Variants in ZC3H12A observed in about 807,000 individuals in gnomAD.
ZC3H12A encodes endoribonuclease ZC3H12A.
In ZC3H12A, 9 loss-of-function variants were observed where a neutral mutation model predicts 29.9. That is an observed-to-expected ratio of 0.30 (90% CI 0.18 to 0.53). ZC3H12A has a LOEUF of 0.53. Among genes scored for constraint, ZC3H12A ranks in the 20% least tolerant of loss-of-function variants. ZC3H12A has a pLI of 0.96. For missense variants in ZC3H12A, 617 were observed against 799.0 expected, an observed-to-expected ratio of 0.77 and a Z score of 2.75; for synonymous variants, 323 against 338.1, an observed-to-expected ratio of 0.96 and a Z score of 0.49.
Position 37,478,720 on chromosome 1 carries a change from G to A in ZC3H12A, c.444-1570G>A, listed in dbSNP as rs554285364. Reference sequence around the variant, plus strand: ...ACTAAGCTGCCTTCTCTGGACCACAGTTTTCATCTGAAAAACAGGGAAGGA... The same window carrying A: ...ACTAAGCTGCCTTCTCTGGACCACAATTTTCATCTGAAAAACAGGGAAGGA... On this transcript the variant is annotated intron_variant, in intron 2 of 5. Coordinates refer to ENST00000373087, the MANE Select transcript of ZC3H12A (RefSeq NM_025079.3). This position sits in a 1 kb window ranked among gnomAD's most constrained non-coding sequence, Gnocchi z 5.2. 373 of 539,096 alleles carry A rather than the reference G, an allele frequency of 6.9e-4. No homozygotes were observed. The highest frequency in any genetic ancestry group is 8.2e-4 in the Non-Finnish European group (347 of 421,866). 33.4% of individuals were successfully genotyped at this position (539,096 alleles called of 1,614,324 possible).
chr1:37,482,598 G>C, intron 5 of ZC3H12A, 58 bp downstream of exon 5: 1 of 1,609,510 alleles, frequency 6.2e-7, no homozygotes, highest in Non-Finnish European at 8.5e-7. Context: ...CCTCTCACCT[G>C]TCTGCCTGTG....
chr1:37,481,509 C>A, intron 3 of ZC3H12A, 92 bp from the exon 4 acceptor site: 1 of 1,285,338 alleles, frequency 7.8e-7, no homozygotes, highest in Non-Finnish European at 1.1e-6. Context: ...GTTAACCACT[C>A]CTGTGTGTGG....
At chr1:37,474,832 A>C (rs1357770423) in intron 1 of ZC3H12A, among the ~76,000 whole-genome samples, 1 of 152,080 alleles carries the variant, frequency 6.6e-6, no homozygotes, top group African/African-American at 2.4e-5. Context: ...AGAGCCGGGG[A>C]AGAGCACCAG....
Position 37,483,143 on chromosome 1 carries a change from G to A in ZC3H12A, c.1332G>A (p.Glu444=), listed in dbSNP as rs775685689. The stretch of plus-strand genomic sequence containing the variant: ...TGGACTCGGGCATTGGCTCCCTGGA[G>A]AGCCAGATGTCGGAACTTTGGGGGG... ...DCLDSGIGSL[E]SQMSELWGVR... Residue 444 remains glutamate, a synonymous_variant, in exon 6 of 6, where the codon GAG becomes GAA. Coordinates refer to ENST00000373087, the MANE Select transcript of ZC3H12A (RefSeq NM_025079.3). 39 of 1,613,416 alleles carry A rather than the reference G, an allele frequency of 2.4e-5. No homozygotes were observed. The South Asian group carries it at 4.0e-4, about 16-fold the overall frequency.
In ZC3H12A at chr1:37,480,364, C is replaced by T; in HGVS notation, c.518C>T (p.Thr173Ile). 6.2e-7 allele frequency: 1 copy of T among 1,614,076 alleles called. No homozygotes were observed. Among genetic ancestry groups the T allele is most frequent in the African/African-American group, 1.3e-5 (1 of 75,048 alleles). The part of the protein sequence containing the change: ...AVNWFLERGH[T>I]DITVFVPSWR... ...AACTGGTTTCTGGAGCGGGGCCACACAGACATCACAGTGTTTGTGCCATCC... is the reference window on the plus strand; with the variant it reads ...AACTGGTTTCTGGAGCGGGGCCACATAGACATCACAGTGTTTGTGCCATCC... The change falls in exon 3 of 6, where the codon ACA (threonine) becomes ATA (isoleucine). Residue 173 changes from threonine to isoleucine, a missense_variant. By Grantham distance (89) the Thr-to-Ile change is moderately conservative (BLOSUM62 -1). Coordinates refer to ENST00000373087, the MANE Select transcript of ZC3H12A (RefSeq NM_025079.3).
Position 37,479,614 on chromosome 1 carries a change from G to C in ZC3H12A, c.444-676G>C. On this transcript the variant is annotated intron_variant, in intron 2 of 5. Transcript: ENST00000373087. This position sits in a 1 kb window ranked among gnomAD's most constrained non-coding sequence, Gnocchi z 4.5. ...GTATCCTTTCACTTTCAGACTGAAA[G>C]GCTCCTGGGGAACTTGCTTCACTCC... 1 of 985,452 alleles carries C rather than the reference G, an allele frequency of 1.0e-6. No individual in the cohort carries two copies. Among genetic ancestry groups the C allele is most frequent in the Non-Finnish European group, 1.2e-6 (1 of 829,938 alleles). 61.0% of individuals were successfully genotyped at this position (985,452 alleles called of 1,614,324 possible). A position where few individuals can be genotyped will look rare whatever the true frequency, so the allele number is the denominator to read the frequency against.
intron 3 of ZC3H12A, 111 bp downstream of exon 3, chr1:37,480,540 C>T: frequency 7.2e-7 from 1 of 1,383,632 alleles, no homozygotes; most frequent in Non-Finnish European, 9.6e-7. Flanking sequence ...AAGCAGGGAC[C>T]AGCATTTCTT....
At position 37,479,448 on chromosome 1, in the gene ZC3H12A, C is replaced by T. The variant is rs938154002; in HGVS notation, c.444-842C>T. On this transcript the variant is annotated intron_variant, in intron 2 of 5. Coordinates refer to ENST00000373087, the MANE Select transcript of ZC3H12A (RefSeq NM_025079.3). The surrounding 1 kb of genome is among the most constrained non-coding windows in gnomAD (Gnocchi z 4.5). ...TGGGTGCAGCCACCTGTGGGTGGGG[C>T]GCGGCCTCGTCTGAGACCAAGGCAG... The T allele has an allele frequency of 3.1e-5, 31 of 985,316 alleles. No individual in the cohort carries two copies. The highest frequency in any genetic ancestry group is 1.1e-4 in the East Asian group (1 of 8,824). The allele number at this position is 985,316 out of a possible 1,614,324, so 61.0% of individuals were successfully genotyped here. A position where few individuals can be genotyped will look rare whatever the true frequency, so the allele number is the denominator to read the frequency against.
intron 5 of ZC3H12A, 82 bp from the exon 6 acceptor site, chr1:37,482,655 G>A (rs112997362): frequency 7.9e-5 from 128 of 1,610,706 alleles, no homozygotes; most frequent in African/African-American, 6.7e-4. Flanking sequence ...ACCCAACCCC[G>A]TTTCCTGTGC....
chr1:37,477,832 A>C (rs1245004233), intron 2 of ZC3H12A, among the ~76,000 whole-genome samples: 5 of 152,064 alleles, frequency 3.3e-5, no homozygotes, highest in Admixed American at 6.6e-5. Context: ...GTAGGGGGGC[A>C]CTCCAGGCCT....
intron 3 of ZC3H12A, among the ~76,000 whole-genome samples, chr1:37,481,125 G>C (rs1641693243): frequency 6.6e-6 from 1 of 152,212 alleles, no homozygotes; most frequent in Non-Finnish European, 1.5e-5. Context: ...GGTCCCAGCA[G>C]CTCCCCAGGT....
rs201050265 is a variant in ZC3H12A at position 37,482,563 on chromosome 1, C to G, written c.925+23C>G. 9,943 of 1,612,992 alleles carry G rather than the reference C, an allele frequency of 6.2e-3. 51 individuals carry two copies. The highest frequency in any genetic ancestry group is 7.0e-3 in the Non-Finnish European group (8,306 of 1,179,014). On this transcript the variant is annotated intron_variant, in intron 5 of 5. Transcript: ENST00000373087. ...ATGGTATGGAACCCAGCCTGCCCTC[C>G]CCGGCCCTCCTCACTCCTGCCCTTC...
Position 37,483,762 on chromosome 1 carries a change from A to G in ZC3H12A, c.*151A>G, listed in dbSNP as rs374662351. 1 of 1,061,898 alleles carries G rather than the reference A, an allele frequency of 9.4e-7. No individual in the cohort carries two copies. Among genetic ancestry groups the G allele is most frequent in the Non-Finnish European group, 1.3e-6 (1 of 758,276 alleles). The allele number at this position is 1,061,898 out of a possible 1,614,324, so 65.8% of individuals were successfully genotyped here. Reference sequence around the variant, plus strand: ...AAGTCGGGAAGGAAACCCACAAACCAAAGATACTGTAGGATTGGTTCTGGC... The same window carrying G: ...AAGTCGGGAAGGAAACCCACAAACCGAAGATACTGTAGGATTGGTTCTGGC... On this transcript the variant is annotated 3_prime_UTR_variant, in exon 6 of 6. Transcript: ENST00000373087.
chr1:37,479,243 C>T lies in ZC3H12A; in HGVS notation c.444-1047C>T. 2.0e-6 allele frequency: 2 copies of T among 985,456 alleles called. No individual in the cohort carries two copies. Among genetic ancestry groups the T allele is most frequent in the Non-Finnish European group, 2.4e-6 (2 of 829,932 alleles). 61.0% of individuals were successfully genotyped at this position (985,456 alleles called of 1,614,324 possible). A position where few individuals can be genotyped will look rare whatever the true frequency, so the allele number is the denominator to read the frequency against. On this transcript the variant is annotated intron_variant, in intron 2 of 5. Coordinates refer to ENST00000373087, the MANE Select transcript of ZC3H12A (RefSeq NM_025079.3). The surrounding 1 kb of genome is among the most constrained non-coding windows in gnomAD (Gnocchi z 4.5). Reference sequence around the variant, plus strand: ...ACCTGGGAGCCCCAAGCCCCAGTCCCCCATCCCTCAGGAAATCCAGTTGGA... The same window carrying T: ...ACCTGGGAGCCCCAAGCCCCAGTCCTCCATCCCTCAGGAAATCCAGTTGGA...
In ZC3H12A at chr1:37,480,896, A is replaced by G. The variant is rs138452566; in HGVS notation, c.583+467A>G. Among the ~76,000 whole-genome samples, 67 of 152,360 alleles carry G rather than the reference A, an allele frequency of 4.4e-4. No homozygotes were observed. The East Asian group carries it at 6.6e-3, about 15-fold the overall frequency. ...AGCATTGCCTTCCTCGTGAGGTCAT[A>G]TAAGTTAACACACGGTAAGTGCTGA... On this transcript the variant is annotated intron_variant, in intron 3 of 5. Coordinates refer to ENST00000373087, the MANE Select transcript of ZC3H12A (RefSeq NM_025079.3).
In ZC3H12A at chr1:37,482,852, A is replaced by T. The variant is rs748841337; in HGVS notation, c.1041A>T (p.Arg347Ser). ...LRANALLSPP[R>S]APSKDKNGRR... Reference sequence around the variant, plus strand: ...CCAATGCTCTCCTCTCACCCCCCAGAGCCCCAAGCAAGGACAAAAATGGCC... The same window carrying T: ...CCAATGCTCTCCTCTCACCCCCCAGTGCCCCAAGCAAGGACAAAAATGGCC... Residue 347 changes from arginine (R) to serine (S), a missense_variant, in exon 6 of 6, where the codon AGA becomes AGT. Arg to Ser is a moderately radical substitution (Grantham distance 110). Transcript: ENST00000373087. 1.1e-5 allele frequency: 17 copies of T among 1,613,796 alleles called. No individual in the cohort carries two copies. The South Asian group carries it at 1.8e-4, about 17-fold the overall frequency.
chr1:37,482,643 C>T, intron 5 of ZC3H12A, 94 bp from the exon 6 acceptor site: 1 of 1,609,068 alleles, frequency 6.2e-7, no homozygotes, highest in South Asian at 1.1e-5. Flanking sequence ...CACCATTGGA[C>T]CACCCAACCC....
rs183999551 is a variant in ZC3H12A at position 37,475,180 on chromosome 1, G to A, written c.-38-279G>A. On this transcript the variant is annotated intron_variant, in intron 1 of 5. Transcript: ENST00000373087. This position sits in a 1 kb window ranked among gnomAD's most constrained non-coding sequence, Gnocchi z 5.2. ...GTGGGGGTTCGAGGCTTTACAGCTGGGGTAGTTCCAGTCTTAGTTCAGACT... is the reference window on the plus strand; with the variant it reads ...GTGGGGGTTCGAGGCTTTACAGCTGAGGTAGTTCCAGTCTTAGTTCAGACT... Among the ~76,000 whole-genome samples, 118 of 152,324 alleles carry A rather than the reference G, an allele frequency of 7.7e-4. 1 individual carries two copies. Among genetic ancestry groups the A allele is most frequent in the African/African-American group, 2.7e-3 (114 of 41,568 alleles).
rs1222400135 is a variant in ZC3H12A, at chr1:37,476,205, T to C, written c.443+266T>C. ...CCCTCCCTGAGGCCAGCACTGTGTC[T>C]CCACTCCTCTCCTGTAATGTGAGGC... On this transcript the variant is annotated intron_variant, in intron 2 of 5. Transcript: ENST00000373087. This position sits in a 1 kb window ranked among gnomAD's most constrained non-coding sequence, Gnocchi z 6.0. Among the ~76,000 whole-genome samples, 1 of 152,104 alleles carries C rather than the reference T, an allele frequency of 6.6e-6. No individual in the cohort carries two copies. Among genetic ancestry groups the C allele is most frequent in the Admixed American group, 6.5e-5 (1 of 15,272 alleles).
Sources: allele counts gnomAD v4.1 joint callset (sites outside exome capture counted in the v4.1 genomes callset), GRCh38; gene constraint gnomAD v4.1.1; non-coding constraint Gnocchi (gnomAD v3.1); transcripts MANE v1.5; gene names NCBI Gene and HGNC (gene_info 2026-07-23, HGNC 2026-07-21).